CSMD3: variants seen among roughly 807,000 people sequenced by gnomAD.
CSMD3 encodes CUB and Sushi multiple domains 3, also known as CUB and sushi domain-containing protein 3.
In CSMD3, 177 loss-of-function variants were observed where a neutral mutation model predicts 435.2. The ratio of observed to expected loss-of-function variants is 0.41; its 90% CI spans 0.36 to 0.46. CSMD3 has a LOEUF of 0.46. Among genes scored for constraint, CSMD3 ranks in the 20% least tolerant of loss-of-function variants. The pLI is 0.34. For missense variants in CSMD3, 4,265 were observed against 4,504.6 expected (o/e 0.95, Z 1.52); for synonymous variants, 1,656 against 1,520.5 (o/e 1.09, Z -2.07).
At chr8:113,436,062 C>A (rs2094704250) in intron 1 of CSMD3, among the ~76,000 whole-genome samples, 1 of 152,060 alleles carries the variant, frequency 6.6e-6, no homozygotes, top group Non-Finnish European at 1.5e-5. Flanking sequence ...ATTTCAGACC[C>A]TTCGAAAGCC....
chr8:112,512,680 G>A (rs1823257877), intron 28 of CSMD3, among the ~76,000 whole-genome samples: 1 of 152,196 alleles, frequency 6.6e-6, no homozygotes, highest in African/African-American at 2.4e-5. Context: ...GTCACCAGCT[G>A]CATTAGCCCC....
At chr8:112,992,527 T>A (rs79286778) in intron 6 of CSMD3, among the ~76,000 whole-genome samples, 302 of 151,736 alleles carry the variant, frequency 2.0e-3, no homozygotes, top group African/African-American at 7.0e-3. Context: ...GAAAAACAAG[T>A]CCCTCATGGG....
rs188356276 is a variant in CSMD3 at position 112,346,578 on chromosome 8, C to G, written c.6326-365G>C. Among the ~76,000 whole-genome samples the G allele has an allele frequency of 3.3e-5, 5 of 150,438 alleles. No homozygotes were observed. In the East Asian group the frequency reaches 7.8e-4, roughly 24 times the overall value. On this transcript the variant is annotated intron_variant, in intron 40 of 70. Coordinates refer to ENST00000297405, the MANE Select transcript of CSMD3 (RefSeq NM_198123.2). ...GAAATGTTTTGAATCATCCCAAAGACGATATAATTTAGAGTAAAATCAAGC... is the reference window on the plus strand; with the variant it reads ...GAAATGTTTTGAATCATCCCAAAGAGGATATAATTTAGAGTAAAATCAAGC...
In CSMD3 at chr8:113,436,653, A is replaced by C. The variant is rs1294281990; in HGVS notation, c.178+24T>G. On this transcript the variant is annotated intron_variant, in intron 1 of 70. Coordinates refer to ENST00000297405, the MANE Select transcript of CSMD3 (RefSeq NM_198123.2). ...GTCAGCCCACCTCCATCCAAAGCGG[A>C]GGGGACCCCCAAAGCAGACCTACCT... 1.9e-6 allele frequency: 3 copies of C among 1,612,924 alleles called. No homozygotes were observed. In the African/African-American group the frequency reaches 4.0e-5, roughly 22 times the overall value.
chr8:113,150,153 T>C (rs932434858), intron 4 of CSMD3, among the ~76,000 whole-genome samples: 1 of 152,020 alleles, frequency 6.6e-6, no homozygotes, highest in Admixed American at 6.6e-5. Context: ...TACACTTTTG[T>C]ATAATCCACT....
Position 112,638,885 on chromosome 8 carries a change from G to A in CSMD3, c.3337C>T (p.His1113Tyr). The change falls in exon 21 of 71, where the codon CAT (histidine) becomes TAT (tyrosine). Residue 1113 changes from histidine (H) to tyrosine (Y), a missense_variant. Physicochemically the swap from His to Tyr is moderately conservative, Grantham distance 83. This residue lies in a region of CSMD3 where 3,255 missense variants were observed against 3,380.2 expected (regional missense o/e 0.96). Transcript: ENST00000297405. ...KGVQFNFHTF[H>Y]LEDHHDYLLI... ...AAGTAGTCATGATGGTCTTCCAAATGAAAAGTGTGGAAGTTGAACTGCACA... is the reference window on the plus strand; with the variant it reads ...AAGTAGTCATGATGGTCTTCCAAATAAAAAGTGTGGAAGTTGAACTGCACA... The A allele has an allele frequency of 1.2e-6, 2 of 1,612,628 alleles. No homozygotes were observed. Among genetic ancestry groups the A allele is most frequent in the Non-Finnish European group, 1.7e-6 (2 of 1,178,970 alleles).
intron 35 of CSMD3, among the ~76,000 whole-genome samples, chr8:112,400,046 T>C (rs566139242): frequency 6.6e-5 from 10 of 152,212 alleles, no homozygotes; most frequent in Non-Finnish European, 1.3e-4. Context: ...TGCTGCCACG[T>C]ATTTAGGTTT....
At chr8:112,786,665 G>T (rs900287398) in intron 13 of CSMD3, among the ~76,000 whole-genome samples, 1 of 152,008 alleles carries the variant, frequency 6.6e-6, no homozygotes. Flanking sequence ...ATGATAAGGT[G>T]CTCAACATCA....
At chr8:113,300,630 T>TAA (rs1360884648) in intron 2 of CSMD3, among the ~76,000 whole-genome samples, 1 of 152,036 alleles carries the variant, frequency 6.6e-6, no homozygotes, top group African/African-American at 2.4e-5. Context: ...AAGGAAGAGT[T>TAA]AAACACTGAA....
chr8:112,410,616 GTATATATATGTGTATATATATGTA>G lies in CSMD3; in HGVS notation c.5396-1608_5396-1585del, dbSNP rs1586233111. On this transcript the variant is annotated intron_variant, in intron 32 of 70. Transcript: ENST00000297405. Reference sequence around the variant, plus strand: ...TATATATATATGTGTATATATATATGTATATATATGTGTATATATATGTATATATATATGTGTATATATATGTAT... The same window carrying G: ...TATATATATATGTGTATATATATATGTATATATATGTGTATATATATGTAT... Among the ~76,000 whole-genome samples, 52 of 67,564 alleles carry G rather than the reference GTATATATATGTGTATATATATGTA, an allele frequency of 7.7e-4. 1 individual carries two copies. Among genetic ancestry groups the G allele is most frequent in the East Asian group, 2.7e-3 (6 of 2,244 alleles). 44.3% of individuals were successfully genotyped at this position (67,564 alleles called of 152,430 possible).
At chr8:112,796,302 T>C (rs185173031) in intron 13 of CSMD3, among the ~76,000 whole-genome samples, 12 of 152,234 alleles carry the variant, frequency 7.9e-5, no homozygotes, top group African/African-American at 2.4e-4. Flanking sequence ...CCCACAAATA[T>C]TTGTTGTTTG....
rs77810922 is a variant in CSMD3, at chr8:112,712,646, C to A, written c.1973-22596G>T. On this transcript the variant is annotated intron_variant, in intron 13 of 70. Coordinates refer to ENST00000297405, the MANE Select transcript of CSMD3 (RefSeq NM_198123.2). Reference sequence around the variant, plus strand: ...GGGGTATATTCGGAATCTTAAGGATCGAGGCATTAAGACATTTGTGCCTTG... The same window carrying A: ...GGGGTATATTCGGAATCTTAAGGATAGAGGCATTAAGACATTTGTGCCTTG... Among the ~76,000 whole-genome samples the A allele has an allele frequency of 3.9e-3, 598 of 152,136 alleles. 13 individuals carry two copies. The East Asian group carries it at 0.074, about 19-fold the overall frequency.
chr8:112,613,957 A>G (rs1422611528), intron 22 of CSMD3, among the ~76,000 whole-genome samples: 1 of 152,138 alleles, frequency 6.6e-6, no homozygotes, highest in South Asian at 2.1e-4. Flanking sequence ...ACTTTGTCGT[A>G]GAATTTTGTT....
chr8:112,837,106 G>T (rs2080047890), intron 11 of CSMD3, among the ~76,000 whole-genome samples: 1 of 151,606 alleles, frequency 6.6e-6, no homozygotes, highest in Admixed American at 6.6e-5. Context: ...GTGATGGCAG[G>T]GAGAGACAAT....
intron 32 of CSMD3, among the ~76,000 whole-genome samples, chr8:112,471,477 A>G (rs1446642155): frequency 6.6e-6 from 1 of 152,208 alleles, no homozygotes; most frequent in Non-Finnish European, 1.5e-5. Flanking sequence ...AATACTTTGT[A>G]GAGTACAAAA....
chr8:112,414,991 T>A (rs1245536528), intron 32 of CSMD3, among the ~76,000 whole-genome samples: 1 of 152,182 alleles, frequency 6.6e-6, no homozygotes, highest in Admixed American at 6.5e-5. Flanking sequence ...GTTTGGAGAA[T>A]TTGCAGCCTG....
chr8:112,662,134 C>T (rs946593449), intron 17 of CSMD3, among the ~76,000 whole-genome samples: 1 of 152,166 alleles, frequency 6.6e-6, no homozygotes, highest in African/African-American at 2.4e-5. Flanking sequence ...CCCCATCAAG[C>T]TACCGATGAC....
At chr8:113,007,333 C>T (rs2086094993) in intron 6 of CSMD3, among the ~76,000 whole-genome samples, 1 of 151,836 alleles carries the variant, frequency 6.6e-6, no homozygotes, top group African/African-American at 2.4e-5. Flanking sequence ...AGACAAATGA[C>T]TGTAAAGAGG....
At chr8:112,758,710 T>C (rs1366087593) in intron 13 of CSMD3, among the ~76,000 whole-genome samples, 1 of 152,186 alleles carries the variant, frequency 6.6e-6, no homozygotes, top group Non-Finnish European at 1.5e-5. Flanking sequence ...CTCATTTCTT[T>C]ATATGCTAAA....
Sources: gnomAD v4.1 joint callset for allele counts (sites outside exome capture counted in the v4.1 genomes callset) on GRCh38, gnomAD v4.1.1 for gene constraint, gnomAD v4.1.1 regional missense constraint, MANE v1.5 for transcripts, NCBI Gene and HGNC (gene_info 2026-07-23, HGNC 2026-07-21) for gene names.